Variants in RGS6 observed in about 807,000 individuals in gnomAD.
RGS6 encodes regulator of G protein signaling 6.
In RGS6, 30 loss-of-function variants were observed where a neutral mutation model predicts 78.5. The observed-to-expected ratio is 0.38, with a 90% CI of 0.29 to 0.52. The LOEUF is 0.52. RGS6 is among the 20% of genes least tolerant of loss of function. The pLI is 0.85. For missense variants in RGS6, 495 were observed against 609.7 expected (o/e 0.81, Z 1.98); for synonymous variants, 206 against 206.0 (o/e 1.00, Z 0.00).
At chr14:71,949,855 G>A (rs1439915504) in intron 1 of RGS6, among the ~76,000 whole-genome samples, 2 of 147,234 alleles carry the variant, frequency 1.4e-5, no homozygotes, top group African/African-American at 2.5e-5. Flanking sequence ...TGTTGTTTGT[G>A]GTGTGATAAA....
chr14:71,967,013 GA>G (rs563391517), intron 2 of RGS6, among the ~76,000 whole-genome samples: 2,963 of 150,674 alleles, frequency 0.02, 108 homozygotes, highest in African/African-American at 0.069. Context: ...ATGTTTACAG[GA>G]AAAAAAAACT....
chr14:72,323,073 A>G (rs1434612202), intron 2 of RGS6, among the ~76,000 whole-genome samples: 1 of 152,174 alleles, frequency 6.6e-6, no homozygotes, highest in African/African-American at 2.4e-5. Flanking sequence ...AAAAATAAGC[A>G]GAGTAATTTT....
intron 2 of RGS6, among the ~76,000 whole-genome samples, chr14:72,103,060 A>G (rs1037857290): frequency 3.3e-5 from 5 of 152,254 alleles, no homozygotes; most frequent in East Asian, 3.9e-4. Context: ...GGAATTTGAG[A>G]CCTCCGTTAT....
chr14:72,328,636 C>CT (rs2074316194), intron 2 of RGS6, among the ~76,000 whole-genome samples: 2 of 152,082 alleles, frequency 1.3e-5, no homozygotes, highest in South Asian at 4.1e-4. Flanking sequence ...TAACTGGAGA[C>CT]AGGATACCAA....
rs982068976 is a variant in RGS6, at chr14:72,081,297, T to C, written c.84+116422T>C. Among the ~76,000 whole-genome samples, 7 of 152,248 alleles carry C rather than the reference T, an allele frequency of 4.6e-5. No individual in the cohort carries two copies. In the East Asian group the frequency reaches 1.3e-3, roughly 29 times the overall value. On this transcript the variant is annotated intron_variant, in intron 2 of 17. Transcript: ENST00000553525. ...GCTATTGCGAATGGGATTGTTTTAT[T>C]AATTTCTTTTTCAGATAGTTTGTTG...
At chr14:72,453,121 C>G (rs556214082) in intron 3 of RGS6, among the ~76,000 whole-genome samples, 3 of 152,200 alleles carry the variant, frequency 2.0e-5, no homozygotes, top group African/African-American at 4.8e-5. Context: ...AATGGCAAAA[C>G]TGAGGCCAAA....
chr14:72,199,937 G>C (rs765102097), intron 2 of RGS6, among the ~76,000 whole-genome samples: 1 of 152,126 alleles, frequency 6.6e-6, no homozygotes, highest in African/African-American at 2.4e-5. Flanking sequence ...TAAATCCTTA[G>C]TCCAATCATT....
chr14:71,945,271 C>T (rs562167612), intron 1 of RGS6, among the ~76,000 whole-genome samples: 73 of 152,290 alleles, frequency 4.8e-4, no homozygotes, highest in African/African-American at 1.6e-3. Flanking sequence ...TTGTCTGTCT[C>T]CCTCTGCTAG....
intron 2 of RGS6, among the ~76,000 whole-genome samples, chr14:72,323,827 A>AAAAC (rs2072881508): frequency 6.8e-6 from 1 of 147,634 alleles, no homozygotes; most frequent in Non-Finnish European, 1.5e-5. Context: ...AAAAAAAAAA[A>AAAAC]AAAAAAAAAA....
rs1000840168 is a variant in RGS6, at chr14:72,540,752, C to T, written c.1422+658C>T. 21 of 1,258,540 alleles carry T rather than the reference C, an allele frequency of 1.7e-5. No homozygotes were observed. The East Asian group carries it at 7.6e-4, about 45-fold the overall frequency. The allele number at this position is 1,258,540 out of a possible 1,614,324, so 78.0% of individuals were successfully genotyped here. A position where few individuals can be genotyped will look rare whatever the true frequency, so the allele number is the denominator to read the frequency against. ...GAATCCCTGCGGTGTCCTGGGTACT[C>T]CCCGGGGGCAAGGTCCTACCGGCCT... On this transcript the variant is annotated intron_variant, in intron 17 of 17. Coordinates refer to ENST00000553525, the MANE Select transcript of RGS6 (RefSeq NM_001204424.2).
At chr14:72,437,841 GCAGCGTCCCCTGCTCC>G (rs1398509750) in intron 3 of RGS6, among the ~76,000 whole-genome samples, 2 of 152,204 alleles carry the variant, frequency 1.3e-5, no homozygotes, top group Non-Finnish European at 2.9e-5. Flanking sequence ...CCACTTGGAA[GCAGCGTCCCCTGCTCC>G]TAAGTTGCAC....
At chr14:71,978,650 C>G (rs1383171319) in intron 2 of RGS6, among the ~76,000 whole-genome samples, 1 of 148,184 alleles carries the variant, frequency 6.7e-6, no homozygotes, top group African/African-American at 2.5e-5. Context: ...TGATGTGCTG[C>G]TGGATTCGTT....
chr14:72,430,636 G>C (rs1165719831), intron 3 of RGS6, among the ~76,000 whole-genome samples: 1 of 152,174 alleles, frequency 6.6e-6, no homozygotes. Flanking sequence ...CTCTCCTAGA[G>C]CCCCAGTATG....
intron 2 of RGS6, among the ~76,000 whole-genome samples, chr14:72,100,112 G>A (rs575665092): frequency 2.5e-4 from 38 of 152,230 alleles, no homozygotes; most frequent in Non-Finnish European, 4.4e-4. Flanking sequence ...TGAAGAGAGG[G>A]GTAGGTTTGA....
chr14:71,936,030 A>ATATATATG lies in RGS6; in HGVS notation c.-21+3096_-21+3097insGTATATAT, dbSNP rs1555390442. ...GAACTAATAGGATATATATATATAT[A>ATATATATG]TATATATATATGTACATATATATCA... On this transcript the variant is annotated intron_variant, in intron 1 of 17. Coordinates refer to ENST00000553525, the MANE Select transcript of RGS6 (RefSeq NM_001204424.2). 3.8e-4 allele frequency among the ~76,000 whole-genome samples: 51 copies of ATATATATG among 133,222 alleles called. 2 individuals carry two copies. Among genetic ancestry groups the ATATATATG allele is most frequent in the African/African-American group, 1.3e-3 (47 of 37,412 alleles). The allele number at this position is 133,222 out of a possible 152,430, so 87.4% of individuals were successfully genotyped here. A position where few individuals can be genotyped will look rare whatever the true frequency, so the allele number is the denominator to read the frequency against.
rs570447392 is a variant in RGS6 at position 71,949,866 on chromosome 14, G to A, written c.-20-14906G>A. ...TGATTGTTGTTTGTGGTGTGATAAA[G>A]GCATCCGTATTTGTTTTGTTTTACT... On this transcript the variant is annotated intron_variant, in intron 1 of 17. Transcript: ENST00000553525. Among the ~76,000 whole-genome samples the A allele has an allele frequency of 6.0e-5, 9 of 150,460 alleles. 1 individual carries two copies. The South Asian group carries it at 1.7e-3, about 28-fold the overall frequency.
chr14:72,581,121 G>A, the RGS6 span, among the ~76,000 whole-genome samples: 1 of 152,188 alleles, frequency 6.6e-6, no homozygotes, highest in Non-Finnish European at 1.5e-5. Context: ...GCCTCTTGAG[G>A]ACAGAGGGAT....
intron 2 of RGS6, among the ~76,000 whole-genome samples, chr14:72,294,450 A>G (rs1453303794): frequency 1.3e-5 from 2 of 152,220 alleles, no homozygotes; most frequent in Non-Finnish European, 2.9e-5. Context: ...TACCAAAGCC[A>G]TAGTCCCTTT....
the RGS6 span, among the ~76,000 whole-genome samples, chr14:71,915,495 C>T: frequency 6.6e-6 from 1 of 152,084 alleles, no homozygotes; most frequent in Non-Finnish European, 1.5e-5. Flanking sequence ...CAATTCTGGC[C>T]ATTGTTGTAT....
Sources: gnomAD v4.1 joint callset for allele counts (sites outside exome capture counted in the v4.1 genomes callset) on GRCh38, gnomAD v4.1.1 for gene constraint, MANE v1.5 for transcripts, NCBI Gene and HGNC (gene_info 2026-07-23, HGNC 2026-07-21) for gene names.